The following IL15 variants were observed in gnomAD, a reference collection of about 807,000 sequenced individuals.
IL15 encodes the protein interleukin 15, also known as interleukin-15.
In IL15, 11 loss-of-function variants were observed where a neutral mutation model predicts 19.6. That is an observed-to-expected ratio of 0.56 (90% CI 0.35 to 0.93). The LOEUF is 0.93. Among genes scored for constraint, IL15 ranks in the 40% least tolerant of loss-of-function variants. The pLI, the probability that IL15 is intolerant of heterozygous loss-of-function variation, is 0.01. For synonymous variants in IL15, 58 were observed against 59.6 expected (o/e 0.97, Z 0.12); for missense variants, 197 against 186.5 (o/e 1.06, Z -0.33).
chr4:141,662,422 C>T (rs1037080792), intron 2 of IL15, among the ~76,000 whole-genome samples: 9 of 152,200 alleles, frequency 5.9e-5, no homozygotes, highest in Non-Finnish European at 1.0e-4. Flanking sequence ...AAGAAATGCA[C>T]ACCATCATCT....
chr4:141,720,471 A>C lies in IL15; in HGVS notation c.15A>C (p.Lys5Asn). 2 of 1,540,022 alleles carry C rather than the reference A, an allele frequency of 1.3e-6. No homozygotes were observed. Among genetic ancestry groups the C allele is most frequent in the Non-Finnish European group, 9.0e-7 (1 of 1,116,184 alleles). The change falls in exon 4 of 8, where the codon AAA becomes AAC. Residue 5 changes from lysine to asparagine, a missense_variant and splice_region_variant. Coordinates refer to ENST00000320650, the MANE Select transcript of IL15 (RefSeq NM_000585.5). The part of the protein sequence containing the change: MRIS[K>N]PHLRSISIQC... ...TTGTCTATGATTATATTTTTCAGAA[A>C]CCACATTTGAGAAGTATTTCCATCC...
intron 2 of IL15, among the ~76,000 whole-genome samples, chr4:141,679,401 A>G (rs538284737): frequency 2.6e-5 from 4 of 152,342 alleles, no homozygotes; most frequent in African/African-American, 7.2e-5. Context: ...TGTAAATATT[A>G]TAGTAAAATT....
intron 2 of IL15, among the ~76,000 whole-genome samples, chr4:141,676,914 G>T (rs1728367809): frequency 6.6e-6 from 1 of 152,188 alleles, no homozygotes; most frequent in Admixed American, 6.5e-5. Context: ...GCCACACTAT[G>T]AGGAAGAAGA....
At chr4:141,669,762 A>G (rs1728106676) in intron 2 of IL15, among the ~76,000 whole-genome samples, 1 of 124,412 alleles carries the variant, frequency 8.0e-6, no homozygotes, top group East Asian at 2.7e-4. Context: ...TCTCTGTCAC[A>G]TCTTATTCTT....
intron 2 of IL15, among the ~76,000 whole-genome samples, chr4:141,666,073 T>TTCTA (rs1560908714): frequency 2.1e-3 from 176 of 83,376 alleles, no homozygotes; most frequent in African/African-American, 8.3e-3. Context: ...GACTCATCCT[T>TTCTA]TTTATTTATT....
chr4:141,714,335 C>T (rs189094320), intron 2 of IL15, among the ~76,000 whole-genome samples: 16 of 152,120 alleles, frequency 1.1e-4, no homozygotes, highest in Admixed American at 9.8e-4. Context: ...TACTCTGGCA[C>T]TTCCCACCCC....
At chr4:141,729,489 A>G (rs956138466) in intron 6 of IL15, among the ~76,000 whole-genome samples, 2 of 152,132 alleles carry the variant, frequency 1.3e-5, no homozygotes, top group Non-Finnish European at 2.9e-5. Flanking sequence ...TGATTCTAAA[A>G]ATTCTTACAA....
chr4:141,720,680 C>T, intron 4 of IL15, 114 bp downstream of exon 4: 2 of 720,676 alleles, frequency 2.8e-6, no homozygotes. Context: ...TCTAGGTACT[C>T]AGTATCTGGG....
At chr4:141,697,311 G>A (rs1281538329) in intron 2 of IL15, among the ~76,000 whole-genome samples, 1 of 152,050 alleles carries the variant, frequency 6.6e-6, no homozygotes, top group East Asian at 1.9e-4. Flanking sequence ...ACAAAGATCA[G>A]ATTGCTGTAA....
chr4:141,702,475 C>T (rs1467920282), intron 2 of IL15, among the ~76,000 whole-genome samples: 1 of 152,182 alleles, frequency 6.6e-6, no homozygotes, highest in Non-Finnish European at 1.5e-5. Context: ...GTGACGTAGA[C>T]TGAGATTCCT....
intron 1 of IL15, among the ~76,000 whole-genome samples, chr4:141,642,204 A>G (rs1210540071): frequency 1.3e-5 from 2 of 152,132 alleles, no homozygotes; most frequent in African/African-American, 4.8e-5. Context: ...AGGGAGAGAT[A>G]GGCATTTTTT....
chr4:141,727,807 G>A (rs1400889719), intron 5 of IL15, 133 bp from the exon 6 acceptor site: 3 of 612,480 alleles, frequency 4.9e-6, no homozygotes, highest in East Asian at 6.0e-5. Flanking sequence ...TACTCTTACA[G>A]TTTCATATGA....
intron 2 of IL15, among the ~76,000 whole-genome samples, chr4:141,666,998 T>C (rs1346513019): frequency 6.6e-6 from 1 of 152,132 alleles, no homozygotes; most frequent in African/African-American, 2.4e-5. Flanking sequence ...CCCAGAAAGA[T>C]AGAATATGGG....
chr4:141,703,253 T>G (rs553748055), intron 2 of IL15, among the ~76,000 whole-genome samples: 66 of 152,304 alleles, frequency 4.3e-4, no homozygotes, highest in African/African-American at 1.5e-3. Flanking sequence ...TGGTCAGCAG[T>G]GCTCTTCCCA....
chr4:141,665,116 T>C (rs1273891029), intron 2 of IL15, among the ~76,000 whole-genome samples: 1 of 152,132 alleles, frequency 6.6e-6, no homozygotes, highest in East Asian at 1.9e-4. Flanking sequence ...CATTTTTATT[T>C]CACCTTTTAA....
chr4:141,707,939 A>G lies in IL15; in HGVS notation c.-99-11427A>G, dbSNP rs900101362. ...AGGGCAGCCACCAAACTAGATGAGC[A>G]CAGCAATGCCAAGCATCCCTGTGGC... On this transcript the variant is annotated intron_variant, in intron 2 of 7. Transcript: ENST00000320650. Among the ~76,000 whole-genome samples, 4 of 152,178 alleles carry G rather than the reference A, an allele frequency of 2.6e-5. No homozygotes were observed. The South Asian group carries it at 8.3e-4, about 31-fold the overall frequency.
intron 4 of IL15, chr4:141,720,962 G>C: frequency 1.7e-6 from 1 of 582,462 alleles, no homozygotes; most frequent in South Asian, 2.2e-5. Flanking sequence ...TCCTAGTTCA[G>C]TTTAAAACAT....
chr4:141,642,392 G>A (rs901071573), intron 1 of IL15, among the ~76,000 whole-genome samples: 4 of 152,168 alleles, frequency 2.6e-5, no homozygotes, highest in African/African-American at 7.2e-5. Context: ...CCCTGGGAAA[G>A]TTGTAGGGTA....
rs1729028162 is a variant in IL15, at chr4:141,694,509, CT to C, written c.-99-24856del. Among the ~76,000 whole-genome samples the C allele has an allele frequency of 2.6e-5, 4 of 152,126 alleles. No individual in the cohort carries two copies. In the South Asian group the frequency reaches 8.3e-4, roughly 32 times the overall value. ...TCAATGAAGGAAAAAAGAGGCAGTG[CT>C]GTTGAATCTGGTTGCAAGGGAGGTG... On this transcript the variant is annotated intron_variant, in intron 2 of 7. Coordinates refer to ENST00000320650, the MANE Select transcript of IL15 (RefSeq NM_000585.5).
Sources: gnomAD v4.1 joint callset for allele counts (sites outside exome capture counted in the v4.1 genomes callset) on GRCh38, gnomAD v4.1.1 for gene constraint, MANE v1.5 for transcripts, NCBI Gene and HGNC (gene_info 2026-07-23, HGNC 2026-07-21) for gene names.